ITPR2: variants seen among roughly 807,000 people sequenced by gnomAD.
ITPR2 encodes inositol 1,4,5-trisphosphate receptor type 2, also known as inositol 1,4,5-trisphosphate-gated calcium channel ITPR2.
Under a neutral mutation model 317.1 loss-of-function variants are expected in ITPR2, and 207 were observed. The ratio of observed to expected loss-of-function variants is 0.65; its 90% CI spans 0.58 to 0.73. The LOEUF (loss-of-function observed/expected upper bound fraction) is 0.73. Ranked by LOEUF, ITPR2 falls within the 30% of genes least tolerant of loss-of-function variation. The pLI is 0.00. For missense variants in ITPR2, 2,613 were observed against 3,284.0 expected (o/e 0.80, Z 4.99); for synonymous variants, 1,156 against 1,149.1 (o/e 1.01, Z -0.12).
chr12:26,832,996 C>T lies in ITPR2; in HGVS notation c.-215G>A. The T allele has an allele frequency of 1.9e-6, 1 of 513,228 alleles. No homozygotes were observed. The highest frequency in any genetic ancestry group is 3.4e-6 in the Non-Finnish European group (1 of 296,460). 31.8% of individuals were successfully genotyped at this position (513,228 alleles called of 1,614,324 possible). ...CGGGGCCAAGCCGCAGCTGCGGACA[C>T]CCCGCGAAGAGCGCAGCCCAGGCGC... On this transcript the variant is annotated 5_prime_UTR_variant, in exon 1 of 57. The change creates a new upstream start codon in the 5' untranslated region. Transcript: ENST00000381340.
intron 54 of ITPR2, among the ~76,000 whole-genome samples, chr12:26,396,806 C>A (rs930819802): frequency 6.6e-6 from 1 of 152,176 alleles, no homozygotes; most frequent in Admixed American, 6.5e-5. Context: ...ATATTCCTAC[C>A]TAAATTGTTT....
At chr12:26,481,106 G>A (rs771605539) in intron 43 of ITPR2, 25 bp downstream of exon 43, 2 of 1,368,070 alleles carry the variant, frequency 1.5e-6, no homozygotes, top group Non-Finnish European at 1.0e-6. Context: ...TAGCTTTTCT[G>A]GCCTGAACAG....
At chr12:26,585,366 T>A (rs868450327) in intron 32 of ITPR2, among the ~76,000 whole-genome samples, 1 of 152,196 alleles carries the variant, frequency 6.6e-6, no homozygotes, top group South Asian at 2.1e-4. Context: ...TATTTAACCG[T>A]TTGTCAAATA....
Position 26,712,634 on chromosome 12 carries a change from T to TAC in ITPR2, c.856-1368_856-1367dup, listed in dbSNP as rs67872654. ...GATAAAATCTAATGTTTGTCTCAAA[T>TAC]ACACACACACACACACACACACACA... is the stretch of plus-strand genomic sequence containing the variant. On this transcript the variant is annotated intron_variant, in intron 8 of 56. Coordinates refer to ENST00000381340, the MANE Select transcript of ITPR2 (RefSeq NM_002223.4). Among the ~76,000 whole-genome samples, 924 of 149,022 alleles carry TAC rather than the reference T, an allele frequency of 6.2e-3. 10 individuals are homozygous for TAC. Among genetic ancestry groups the TAC allele is most frequent in the East Asian group, 0.043 (209 of 4,864 alleles).
intron 45 of ITPR2, among the ~76,000 whole-genome samples, chr12:26,453,246 A>T (rs1941784925): frequency 1.3e-5 from 2 of 152,188 alleles, no homozygotes; most frequent in African/African-American, 4.8e-5. Flanking sequence ...GTATAATCTT[A>T]ATTGGTTTTG....
intron 9 of ITPR2, among the ~76,000 whole-genome samples, chr12:26,702,049 C>T (rs1010602924): frequency 9.2e-5 from 14 of 152,148 alleles, no homozygotes; most frequent in African/African-American, 3.4e-4. Flanking sequence ...TTACTGAGGT[C>T]CCCATATTTT....
intron 3 of ITPR2, 73 bp from the exon 4 acceptor site, chr12:26,724,815 T>C (rs1333258688): frequency 4.0e-6 from 4 of 994,910 alleles, no homozygotes; most frequent in Non-Finnish European, 6.1e-6. Context: ...AAGAAATTTT[T>C]TTTAGGAACA....
chr12:26,600,186 C>T lies in ITPR2; in HGVS notation c.3679-77G>A, dbSNP rs1945961233. ...TGTTATGCAAAAATCTCTCCTTCAC[C>T]CACATACCATTTTTCTCTCTGCCCA... On this transcript the variant is annotated intron_variant, in intron 28 of 56. Transcript: ENST00000381340. 2.3e-6 allele frequency: 3 copies of T among 1,280,674 alleles called. No individual in the cohort carries two copies. In the East Asian group the frequency reaches 7.2e-5, roughly 31 times the overall value. The allele number at this position is 1,280,674 out of a possible 1,614,324, so 79.3% of individuals were successfully genotyped here. A position where few individuals can be genotyped will look rare whatever the true frequency, so the allele number is the denominator to read the frequency against.
At chr12:26,720,951 G>C (rs778496895) in intron 5 of ITPR2, among the ~76,000 whole-genome samples, 1 of 152,132 alleles carries the variant, frequency 6.6e-6, no homozygotes, top group Non-Finnish European at 1.5e-5. Flanking sequence ...TTCCTTCCGA[G>C]CTTGAGCTCA....
intron 55 of ITPR2, among the ~76,000 whole-genome samples, chr12:26,377,499 T>G (rs1355525762): frequency 6.6e-6 from 1 of 152,266 alleles, no homozygotes; most frequent in East Asian, 1.9e-4. Flanking sequence ...TTAAAAATTC[T>G]AACTCCTAAA....
chr12:26,339,720 C>T (rs550247685), intron 56 of ITPR2, among the ~76,000 whole-genome samples: 3 of 152,284 alleles, frequency 2.0e-5, no homozygotes, highest in Admixed American at 2.0e-4. Context: ...TCTTGCCTGT[C>T]ACATAGCTGT....
At chr12:26,802,059 G>C (rs1223730899) in intron 1 of ITPR2, among the ~76,000 whole-genome samples, 2 of 152,118 alleles carry the variant, frequency 1.3e-5, no homozygotes, top group African/African-American at 2.4e-5. Context: ...CAGTGCTTTG[G>C]GAAGGTGAGG....
intron 55 of ITPR2, among the ~76,000 whole-genome samples, chr12:26,359,354 T>C (rs1938748722): frequency 6.6e-6 from 1 of 152,128 alleles, no homozygotes; most frequent in Non-Finnish European, 1.5e-5. Flanking sequence ...CTTGGCATCA[T>C]CCAAATGAGA....
At chr12:26,774,975 G>A (rs1949933293) in intron 2 of ITPR2, among the ~76,000 whole-genome samples, 1 of 152,168 alleles carries the variant, frequency 6.6e-6, no homozygotes, top group South Asian at 2.1e-4. Flanking sequence ...AGTGGCCCTG[G>A]CAGGACTGAG....
intron 5 of ITPR2, among the ~76,000 whole-genome samples, chr12:26,717,214 T>C (rs1948755052): frequency 6.6e-6 from 1 of 152,324 alleles, no homozygotes; most frequent in East Asian, 1.9e-4. Context: ...ATTAGTTTGA[T>C]AGATAAATGA....
intron 2 of ITPR2, among the ~76,000 whole-genome samples, chr12:26,781,851 A>G (rs900569371): frequency 1.3e-5 from 2 of 151,888 alleles, no homozygotes; most frequent in Non-Finnish European, 2.9e-5. Flanking sequence ...TGAAAAGGCT[A>G]GACTGGCTTA....
At chr12:26,555,921 T>C (rs1944651422) in intron 36 of ITPR2, among the ~76,000 whole-genome samples, 1 of 152,212 alleles carries the variant, frequency 6.6e-6, no homozygotes, top group African/African-American at 2.4e-5. Context: ...AAACAAGAAT[T>C]TTTTTAAAGG....
At chr12:26,828,772 T>A (rs1490451395) in intron 1 of ITPR2, among the ~76,000 whole-genome samples, 1 of 152,206 alleles carries the variant, frequency 6.6e-6, no homozygotes, top group Non-Finnish European at 1.5e-5. Context: ...TAAATTAGGA[T>A]AAAGTAGCTT....
intron 34 of ITPR2, among the ~76,000 whole-genome samples, chr12:26,570,773 T>C (rs1945138423): frequency 6.6e-6 from 1 of 152,214 alleles, no homozygotes; most frequent in Non-Finnish European, 1.5e-5. Context: ...CCTATACTTC[T>C]ACCATGTGCT....
Sources: gnomAD v4.1 joint callset for allele counts (sites outside exome capture counted in the v4.1 genomes callset) on GRCh38, gnomAD v4.1.1 for gene constraint, MANE v1.5 for transcripts, NCBI Gene and HGNC (gene_info 2026-07-23, HGNC 2026-07-21) for gene names.